Variants in USP33 observed in about 807,000 individuals in gnomAD.
The protein encoded by USP33 is ubiquitin specific peptidase 33, also known as ubiquitin carboxyl-terminal hydrolase 33.
USP33 carries 46 observed loss-of-function variants against 124.2 expected under a neutral mutation model. That is an observed-to-expected ratio of 0.37 (90% CI 0.29 to 0.47). The LOEUF is 0.47. Among genes scored for constraint, USP33 ranks in the 20% least tolerant of loss-of-function variants. The pLI is 0.99. For synonymous variants in USP33, 350 were observed against 352.3 expected, an observed-to-expected ratio of 0.99 and a Z score of 0.07; for missense variants, 851 against 1,070.6, an observed-to-expected ratio of 0.79 and a Z score of 2.86.
intron 1 of USP33, among the ~76,000 whole-genome samples, chr1:77,742,260 A>G (rs1291486676): frequency 6.6e-6 from 1 of 152,028 alleles, no homozygotes; most frequent in African/African-American, 2.4e-5. Flanking sequence ...CAGGATAAGC[A>G]CTTTATATCA....
chr1:77,729,533 T>C (rs983613359), intron 9 of USP33, among the ~76,000 whole-genome samples: 3 of 151,932 alleles, frequency 2.0e-5, no homozygotes, highest in African/African-American at 7.3e-5. Context: ...TAGCTGGGCG[T>C]GGTGGCACAC....
Position 77,728,611 on chromosome 1 carries a change from C to G in USP33, c.819G>C (p.Glu273Asp). 6.2e-7 allele frequency: 1 copy of G among 1,614,112 alleles called. No homozygotes were observed. The highest frequency in any genetic ancestry group is 8.5e-7 in the Non-Finnish European group (1 of 1,180,018). ...GGCTCTTGTCTTCTTCCATTGTCTC[C>G]TCAGTGGTTATGGTTTGCGGATCTT... ...VEEDPQTITT[E>D]ETMEEDKSQS... Residue 273 changes from glutamate to aspartate, a missense_variant, in exon 10 of 24, where the codon GAG (glutamate) becomes GAC (aspartate). Coordinates refer to ENST00000370794, the MANE Select transcript of USP33 (RefSeq NM_201624.3).
At chr1:77,747,600 C>T (rs1679873109) in intron 1 of USP33, among the ~76,000 whole-genome samples, 2 of 152,084 alleles carry the variant, frequency 1.3e-5, no homozygotes, top group South Asian at 2.1e-4. Context: ...TGTCTTAATG[C>T]CAATACTGTT....
At chr1:77,729,961 A>G in intron 8 of USP33, 23 bp from the exon 9 acceptor site, 1 of 1,575,528 alleles carries the variant, frequency 6.3e-7, no homozygotes. Flanking sequence ...ACATTTTTAA[A>G]GAGCAATTTT....
At chr1:77,732,031 G>A (rs1210844592) in intron 7 of USP33, among the ~76,000 whole-genome samples, 1 of 151,276 alleles carries the variant, frequency 6.6e-6, no homozygotes, top group Admixed American at 6.6e-5. Context: ...TTGAACCCAG[G>A]AGTTCAAGGC....
intron 23 of USP33, 78 bp downstream of exon 23, chr1:77,697,785 A>G (rs1274418083): frequency 9.7e-5 from 131 of 1,356,486 alleles, no homozygotes; most frequent in Non-Finnish European, 9.9e-5. Context: ...AAAAAGTACT[A>G]TAGATGACTA....
In USP33 at chr1:77,734,387, T is replaced by C; in HGVS notation, c.484A>G (p.Thr162Ala). ...TGCAAAGCTGCATTCATGTAACAAGTATTTCCAATATTTTTCAAACCTGTA... is the reference window on the plus strand; with the variant it reads ...TGCAAAGCTGCATTCATGTAACAAGCATTTCCAATATTTTTCAAACCTGTA... Reference protein sequence around the residue: ...GLTGLKNIGNTCYMNAALQAL... With the variant: ...GLTGLKNIGNACYMNAALQAL... Residue 162 changes from threonine (T) to alanine (A), a missense_variant, in exon 7 of 24, where the codon ACT becomes GCT. Physicochemically the swap from Thr to Ala is moderately conservative, Grantham distance 58 (BLOSUM62 0). Around this residue, in one of 4 missense-constraint regions of USP33, gnomAD observed 221 missense variants for 302.9 expected, o/e 0.73. Transcript: ENST00000370794. 6.3e-7 allele frequency: 1 copy of C among 1,598,568 alleles called. No homozygotes were observed. The highest frequency in any genetic ancestry group is 8.5e-7 in the Non-Finnish European group (1 of 1,174,196).
chr1:77,730,378 C>G (rs1453127412), intron 8 of USP33, among the ~76,000 whole-genome samples: 3 of 152,130 alleles, frequency 2.0e-5, no homozygotes, highest in Non-Finnish European at 4.4e-5. Context: ...GCAGCTTTAA[C>G]ATTCCAACAC....
At position 77,723,414 on chromosome 1, in the gene USP33, G is replaced by T; in HGVS notation, c.1306C>A (p.Gln436Lys). 2 of 1,611,872 alleles carry T rather than the reference G, an allele frequency of 1.2e-6. No individual in the cohort carries two copies. Residue 436 changes from glutamine to lysine, a missense_variant, in exon 12 of 24, where the codon CAG (glutamine) becomes AAG (lysine). This residue lies in a region of USP33 where 281 missense variants were observed against 425.0 expected (regional missense o/e 0.66). Transcript: ENST00000370794. ...ATAACACTTCTGTATTTCTTGTGCT[G>T]TTTTTTTCTCTTTGGAGATGCAGAC... ...AQSASPKRKK[Q>K]HKKYRSVISD...
At position 77,736,162 on chromosome 1, in the gene USP33, G is replaced by A; in HGVS notation, c.352-4C>T. On this transcript the variant is annotated splice_region_variant and splice_polypyrimidine_tract_variant and intron_variant, in intron 5 of 23. Transcript: ENST00000370794. ...TATTACTGGGTATTTTAAAATCCTT[G>A]ATAACAAAAAAAGATAGCACACTTG... 6.3e-7 allele frequency: 1 copy of A among 1,590,978 alleles called. No individual in the cohort carries two copies. The highest frequency in any genetic ancestry group is 8.6e-7 in the Non-Finnish European group (1 of 1,165,676).
At chr1:77,731,698 TC>T (rs1244495775) in intron 7 of USP33, among the ~76,000 whole-genome samples, 2 of 152,076 alleles carry the variant, frequency 1.3e-5, no homozygotes, top group African/African-American at 4.8e-5. Context: ...ATCAGCCACA[TC>T]TTTTTCAATG....
rs1020392052 is a variant in USP33 at position 77,722,417 on chromosome 1, G to T, written c.1390-221C>A. ...CTTGCTCTGTACCAGGTATCTTCAC[G>T]TAAGTCCTGTGCAGTAGTATTAGCA... On this transcript the variant is annotated intron_variant, in intron 12 of 23. Coordinates refer to ENST00000370794, the MANE Select transcript of USP33 (RefSeq NM_201624.3). 4 of 445,540 alleles carry T rather than the reference G, an allele frequency of 9.0e-6. No individual in the cohort carries two copies. The East Asian group carries it at 1.6e-4, about 18-fold the overall frequency. The allele number at this position is 445,540 out of a possible 1,614,324, so 27.6% of individuals were successfully genotyped here.
At chr1:77,735,685 A>C (rs955517512) in intron 6 of USP33, among the ~76,000 whole-genome samples, 1 of 152,222 alleles carries the variant, frequency 6.6e-6, no homozygotes, top group African/African-American at 2.4e-5. Context: ...GAAGTGTATC[A>C]CCTGATTCTT....
intron 1 of USP33, among the ~76,000 whole-genome samples, chr1:77,748,551 C>T (rs1408015679): frequency 1.3e-5 from 2 of 151,976 alleles, no homozygotes; most frequent in Non-Finnish European, 2.9e-5. Context: ...CGCCTGTAGT[C>T]CCAGCTACTC....
chr1:77,741,746 C>T lies in USP33; in HGVS notation c.-49G>A. The T allele has an allele frequency of 3.2e-6, 5 of 1,583,990 alleles. No individual in the cohort carries two copies. The highest frequency in any genetic ancestry group is 2.6e-6 in the Non-Finnish European group (3 of 1,169,268). ...TCCCAAGACTTTCAAAATGAGGTAA[C>T]ACCTATAAGAAAAGTAACACACACA... is the stretch of plus-strand genomic sequence containing the variant. On this transcript the variant is annotated splice_region_variant and 5_prime_UTR_variant, in exon 2 of 24. Transcript: ENST00000370794.
intron 1 of USP33, among the ~76,000 whole-genome samples, chr1:77,748,775 T>TCCCAC (rs1437829020): frequency 5.5e-5 from 2 of 36,270 alleles, no homozygotes; most frequent in African/African-American, 3.1e-4. Flanking sequence ...CAGCATTCCT[T>TCCCAC]CCCTCCCCCC....
At chr1:77,728,809 A>G (rs946909804) in intron 9 of USP33, 97 bp from the exon 10 acceptor site, 2 of 1,303,828 alleles carry the variant, frequency 1.5e-6, no homozygotes, top group African/African-American at 3.0e-5. Flanking sequence ...CTTATATATG[A>G]AGGTACAGCA....
At chr1:77,739,224 G>A (rs766602980) in intron 5 of USP33, 41 bp downstream of exon 5, 249 of 1,562,194 alleles carry the variant, frequency 1.6e-4, no homozygotes, top group Admixed American at 5.6e-4. Flanking sequence ...AATTATTACC[G>A]GAATGTTTTA....
In USP33 at chr1:77,728,647, C is replaced by A; in HGVS notation, c.783G>T (p.Met261Ile). Residue 261 changes from methionine (M) to isoleucine (I), a missense_variant, in exon 10 of 24, where the codon ATG becomes ATT. By Grantham distance (10) the Met-to-Ile change is conservative (BLOSUM62 1). This residue lies in a region of USP33 where 207 missense variants were observed against 200.9 expected (regional missense o/e 1.03). Coordinates refer to ENST00000370794, the MANE Select transcript of USP33 (RefSeq NM_201624.3). ...LLHEELKEQV[M>I]EVEEDPQTIT... ...TGGTTTGCGGATCTTCTTCTACTTC[C>A]ATGACTTGCTCTTTCAATTCTTCAT... The A allele has an allele frequency of 6.2e-7, 1 of 1,614,046 alleles. No individual in the cohort carries two copies. Among genetic ancestry groups the A allele is most frequent in the Non-Finnish European group, 8.5e-7 (1 of 1,179,998 alleles).
Sources: allele counts gnomAD v4.1 joint callset (sites outside exome capture counted in the v4.1 genomes callset), GRCh38; gene constraint gnomAD v4.1.1; regional missense constraint gnomAD v4.1.1; transcripts MANE v1.5; gene names NCBI Gene and HGNC (gene_info 2026-07-23, HGNC 2026-07-21).